Variants in NCOA3 observed in about 807,000 individuals in gnomAD.
NCOA3 encodes the protein CBP-interacting protein.
NCOA3 carries 51 observed loss-of-function variants against 158.8 expected under a neutral mutation model. That is an observed-to-expected ratio of 0.32 (90% CI 0.26 to 0.41). NCOA3 has a LOEUF of 0.41. Ranked by LOEUF, NCOA3 falls within the 10% of genes least tolerant of loss-of-function variation. NCOA3 has a pLI of 1.00. For synonymous variants in NCOA3, 537 were observed against 592.4 expected, an observed-to-expected ratio of 0.91 and a Z score of 1.36; for missense variants, 1,510 against 1,746.6, an observed-to-expected ratio of 0.86 and a Z score of 2.41.
chr20:47,589,318 CTCTT>C (rs2085587773), intron 2 of NCOA3, among the ~76,000 whole-genome samples: 1 of 152,148 alleles, frequency 6.6e-6, no homozygotes, highest in Non-Finnish European at 1.5e-5. Flanking sequence ...TTGCCAAAGT[CTCTT>C]TCTGGCCTCT....
chr20:47,651,287 C>A lies in NCOA3; in HGVS notation c.3946+11C>A, dbSNP rs199928445. The A allele has an allele frequency of 6.0e-4, 961 of 1,591,154 alleles. No individual in the cohort carries two copies. The highest frequency in any genetic ancestry group is 7.9e-4 in the Non-Finnish European group (921 of 1,164,592). ...ATCAACCAAATTATGGTAAATCTGA[C>A]AATGAAAATGTGCCTTCCCCAAGTT... On this transcript the variant is annotated intron_variant, in intron 20 of 22. Transcript: ENST00000371998.
chr20:47,516,626 A>T (rs1214045406), intron 1 of NCOA3, among the ~76,000 whole-genome samples: 1 of 152,172 alleles, frequency 6.6e-6, no homozygotes, highest in Non-Finnish European at 1.5e-5. Flanking sequence ...CAAAGGTTCC[A>T]AGCAGTCAAG....
At chr20:47,602,266 A>G (rs2085877034) in intron 2 of NCOA3, among the ~76,000 whole-genome samples, 1 of 152,236 alleles carries the variant, frequency 6.6e-6, no homozygotes, top group South Asian at 2.1e-4. Context: ...AGAAGACTAA[A>G]TGGTAGAAAT....
At chr20:47,546,008 C>T (rs1467563808) in intron 1 of NCOA3, among the ~76,000 whole-genome samples, 1 of 152,070 alleles carries the variant, frequency 6.6e-6, no homozygotes, top group Non-Finnish European at 1.5e-5. Context: ...AGCCACTGTG[C>T]CAGGCCTGTA....
At chr20:47,586,141 A>ACT (rs1264904077) in intron 2 of NCOA3, among the ~76,000 whole-genome samples, 6 of 150,990 alleles carry the variant, frequency 4.0e-5, no homozygotes, top group African/African-American at 1.5e-4. Flanking sequence ...CTGGTCTTGA[A>ACT]CTCCTGACCT....
intron 1 of NCOA3, among the ~76,000 whole-genome samples, chr20:47,554,912 C>T (rs1313225478): frequency 6.6e-6 from 1 of 152,088 alleles, no homozygotes; most frequent in Non-Finnish European, 1.5e-5. Context: ...CAATCCTAAG[C>T]CAAAAGAACA....
At chr20:47,582,924 A>G (rs1033994331) in intron 1 of NCOA3, among the ~76,000 whole-genome samples, 1 of 152,192 alleles carries the variant, frequency 6.6e-6, no homozygotes, top group East Asian at 1.9e-4. Flanking sequence ...CCTCCTGAGT[A>G]GTTGGGATTA....
chr20:47,520,008 G>A (rs1175428126), intron 1 of NCOA3, among the ~76,000 whole-genome samples: 2 of 142,660 alleles, frequency 1.4e-5, no homozygotes, highest in African/African-American at 2.6e-5. Flanking sequence ...GTGATCCGCC[G>A]GCTTCAGCCT....
intron 1 of NCOA3, among the ~76,000 whole-genome samples, chr20:47,557,887 A>AC (rs1256869729): frequency 6.6e-6 from 1 of 152,106 alleles, no homozygotes; most frequent in East Asian, 1.9e-4. Flanking sequence ...AGTGCCACAG[A>AC]CCGAGTGGCT....
intron 1 of NCOA3, among the ~76,000 whole-genome samples, chr20:47,508,201 C>G (rs1283851113): frequency 6.6e-6 from 1 of 152,112 alleles, no homozygotes; most frequent in African/African-American, 2.4e-5. Flanking sequence ...CTGTCCTGTA[C>G]TTTTATTAGG....
intron 1 of NCOA3, among the ~76,000 whole-genome samples, chr20:47,513,715 C>CT (rs1189546966): frequency 1.3e-5 from 1 of 78,020 alleles, no homozygotes; most frequent in African/African-American, 5.1e-5. Flanking sequence ...GAGCAAGACT[C>CT]TGTCTCAAAA....
At chr20:47,624,708 A>G (rs1347850718) in intron 4 of NCOA3, among the ~76,000 whole-genome samples, 1 of 152,178 alleles carries the variant, frequency 6.6e-6, no homozygotes, top group African/African-American at 2.4e-5. Flanking sequence ...TAGAGACTAC[A>G]ACTGATGGAG....
chr20:47,506,584 G>C (rs976746839), intron 1 of NCOA3, among the ~76,000 whole-genome samples: 3 of 152,156 alleles, frequency 2.0e-5, no homozygotes, highest in Non-Finnish European at 4.4e-5. Context: ...AGTTTACAGT[G>C]GGGGGCAGTA....
In NCOA3 at chr20:47,633,479, C is replaced by CT; in HGVS notation, c.824-10dup. 6 of 1,593,300 alleles carry CT rather than the reference C, an allele frequency of 3.8e-6. No homozygotes were observed. The highest frequency in any genetic ancestry group is 5.1e-6 in the Non-Finnish European group (6 of 1,172,732). On this transcript the variant is annotated splice_polypyrimidine_tract_variant and intron_variant, in intron 8 of 22. Coordinates refer to ENST00000371998, the MANE Select transcript of NCOA3 (RefSeq NM_181659.3). ...TGGGCTGGATATAAGTCTTTTTTTC[C>CT]TTTTTTTGTTTAATAGGAAAGGTTG...
At chr20:47,623,516 G>A (rs147926362) in intron 3 of NCOA3, among the ~76,000 whole-genome samples, 2 of 152,326 alleles carry the variant, frequency 1.3e-5, no homozygotes, top group African/African-American at 4.8e-5. Context: ...GGCCGGGTGT[G>A]GTGGCTCATG....
chr20:47,510,078 TAA>T (rs1289269126), intron 1 of NCOA3, among the ~76,000 whole-genome samples: 4 of 152,172 alleles, frequency 2.6e-5, no homozygotes, highest in African/African-American at 9.7e-5. Context: ...GTTACCATAT[TAA>T]GTTTAAAACT....
chr20:47,646,950 A>G (rs2086694901), intron 17 of NCOA3, 123 bp from the exon 18 acceptor site: 2 of 794,924 alleles, frequency 2.5e-6, no homozygotes, highest in Non-Finnish European at 4.1e-6. Flanking sequence ...TGCCTGGCAC[A>G]TAACAAGCAT....
chr20:47,502,158 G>T (rs1238348563), intron 1 of NCOA3, 139 bp downstream of exon 1: 3 of 397,008 alleles, frequency 7.6e-6, no homozygotes, highest in African/African-American at 4.1e-5. Context: ...CCGGCCGGGG[G>T]ACGCGCTGAG....
At chr20:47,502,322 G>A (rs2083946681) in intron 1 of NCOA3, among the ~76,000 whole-genome samples, 1 of 152,282 alleles carries the variant, frequency 6.6e-6, no homozygotes. Context: ...CGGGGGGACT[G>A]CAGGGGCCCA....
Sources: allele counts gnomAD v4.1 joint callset (sites outside exome capture counted in the v4.1 genomes callset), GRCh38; gene constraint gnomAD v4.1.1; transcripts MANE v1.5; gene names NCBI Gene and HGNC (gene_info 2026-07-23, HGNC 2026-07-21).